Variants in PSD3 observed in about 807,000 individuals in gnomAD.
PSD3 encodes PH and SEC7 domain-containing protein 3.
A neutral mutation model predicts 105.5 loss-of-function variants in PSD3; 49 were observed. The observed-to-expected ratio is 0.46, with a 90% confidence interval of 0.37 to 0.59. The LOEUF is 0.59. PSD3 is among the 20% of genes least tolerant of loss of function. The pLI is 0.00. For synonymous variants in PSD3, 557 were observed against 457.8 expected (o/e 1.22, Z -2.77); for missense variants, 1,561 against 1,263.8 (o/e 1.24, Z -3.57).
intron 11 of PSD3, among the ~76,000 whole-genome samples, chr8:18,616,663 G>A (rs112684782): frequency 0.027 from 3,434 of 126,660 alleles, 88 homozygotes; most frequent in East Asian, 0.09. Flanking sequence ...TCGCTCTGTC[G>A]CCCAGGCTGG....
At chr8:18,884,202 G>T (rs1423722955) in intron 2 of PSD3, among the ~76,000 whole-genome samples, 1 of 146,206 alleles carries the variant, frequency 6.8e-6, no homozygotes, top group South Asian at 2.3e-4. Context: ...GCCTTGCAGA[G>T]TTAAAAAAAA....
At chr8:18,795,851 G>T (rs926386406) in intron 8 of PSD3, among the ~76,000 whole-genome samples, 3 of 152,098 alleles carry the variant, frequency 2.0e-5, no homozygotes, top group African/African-American at 7.2e-5. Flanking sequence ...TGAAGAAAAA[G>T]ACTTTCAACT....
At chr8:18,731,499 A>C (rs571951647) in intron 9 of PSD3, among the ~76,000 whole-genome samples, 1 of 152,320 alleles carries the variant, frequency 6.6e-6, no homozygotes, top group East Asian at 1.9e-4. Flanking sequence ...ACATGATCTC[A>C]GTAATTCTTT....
At chr8:18,777,065 C>T (rs536537419) in intron 8 of PSD3, among the ~76,000 whole-genome samples, 122 of 152,030 alleles carry the variant, frequency 8.0e-4, no homozygotes, top group Middle Eastern at 3.4e-3. Context: ...TTTTTTGAGA[C>T]GGAGTCTACC....
At chr8:18,625,090 C>G (rs1017917222) in intron 11 of PSD3, among the ~76,000 whole-genome samples, 2 of 151,940 alleles carry the variant, frequency 1.3e-5, no homozygotes, top group Non-Finnish European at 2.9e-5. Context: ...AAGTTACTGT[C>G]CCACATGTTC....
At chr8:18,542,242 A>T (rs1341524004) in intron 15 of PSD3, among the ~76,000 whole-genome samples, 1 of 152,226 alleles carries the variant, frequency 6.6e-6, no homozygotes. Flanking sequence ...AAAAGCATAC[A>T]TTAAAAAGAT....
chr8:19,080,689 A>G lies in PSD3; in HGVS notation c.324+3517T>C, dbSNP rs73589594. ...GAACAGTCTTACAAGCTAGTGATCA[A>G]AGCTCAAAAAGTGAATTGGTTTTGA... On this transcript the variant is annotated intron_variant, in intron 1 of 1. Transcript: ENST00000521475. 4.4e-3 allele frequency among the ~76,000 whole-genome samples: 668 copies of G among 152,308 alleles called. 3 individuals are homozygous for G. Among genetic ancestry groups the G allele is most frequent in the African/African-American group, 0.015 (604 of 41,562 alleles).
At chr8:18,843,177 G>A (rs1327944068) in intron 4 of PSD3, among the ~76,000 whole-genome samples, 1 of 151,958 alleles carries the variant, frequency 6.6e-6, no homozygotes, top group Non-Finnish European at 1.5e-5. Flanking sequence ...TGGCTACCAC[G>A]GTGAAACCCC....
chr8:18,572,482 T>G, intron 14 of PSD3, 46 bp downstream of exon 14: 2 of 1,587,842 alleles, frequency 1.3e-6, no homozygotes, highest in Non-Finnish European at 1.7e-6. Context: ...CACATTATTT[T>G]ACAAAGTACT....
chr8:18,604,648 C>A (rs1804680134), intron 11 of PSD3, among the ~76,000 whole-genome samples: 2 of 152,144 alleles, frequency 1.3e-5, no homozygotes, highest in African/African-American at 2.4e-5. Flanking sequence ...GGGGACACGG[C>A]CTTGAAGGTA....
rs1585727737 is a variant in PSD3 at position 18,721,790 on chromosome 8, C to G, written c.2172+43659G>C. On this transcript the variant is annotated intron_variant, in intron 9 of 15. Coordinates refer to ENST00000327040, the MANE Select transcript of PSD3 (RefSeq NM_015310.4). ...ATCACACTTCTTTACCCAATAAAAT[C>G]CAGCCAGTAAAGAATCATAGTAAGT... Among the ~76,000 whole-genome samples the G allele has an allele frequency of 1.3e-5, 2 of 152,110 alleles. 1 individual carries two copies. The highest frequency in any genetic ancestry group is 4.1e-4 in the South Asian group (2 of 4,820).
intron 2 of PSD3, among the ~76,000 whole-genome samples, chr8:18,920,340 ATAAAAT>A (rs1306109040): frequency 5.3e-5 from 8 of 152,226 alleles, no homozygotes. Flanking sequence ...CAAAGGGGAA[ATAAAAT>A]TAAAATGATT....
chr8:18,964,901 T>A (rs1274266816), intron 1 of PSD3, among the ~76,000 whole-genome samples: 1 of 152,248 alleles, frequency 6.6e-6, no homozygotes, highest in Non-Finnish European at 1.5e-5. Context: ...TTTTTGCTTT[T>A]ACAGCTCTAA....
In PSD3 at chr8:18,804,723, C is replaced by A; in HGVS notation, c.1810G>T (p.Ala604Ser). Residue 604 changes from alanine (A) to serine (S), a missense_variant, in exon 5 of 16, where the codon GCA becomes TCA. Ala to Ser is a moderately conservative substitution (Grantham distance 99). Coordinates refer to ENST00000327040, the MANE Select transcript of PSD3 (RefSeq NM_015310.4). Reference protein sequence around the residue: ...QLDRFKRSDVAKHLGKNNEFS... With the variant: ...QLDRFKRSDVSKHLGKNNEFS... ...ACGTACTTCTTGCCAAGGTGTTTTG[C>A]AACATCTGATCTTTTGAATCTGTCC... 1 of 1,613,848 alleles carries A rather than the reference C, an allele frequency of 6.2e-7. No homozygotes were observed. Among genetic ancestry groups the A allele is most frequent in the East Asian group, 2.2e-5 (1 of 44,876 alleles).
intron 1 of PSD3, among the ~76,000 whole-genome samples, chr8:19,080,109 A>AG (rs1016740527): frequency 3.3e-5 from 5 of 152,146 alleles, no homozygotes; most frequent in African/African-American, 1.2e-4. Flanking sequence ...GGCTGAACTC[A>AG]GACTCCTGAC....
At chr8:18,900,282 A>T (rs1819421891) in intron 2 of PSD3, among the ~76,000 whole-genome samples, 1 of 152,150 alleles carries the variant, frequency 6.6e-6, no homozygotes, top group South Asian at 2.1e-4. Context: ...TATAGGCATG[A>T]TTTTCTTATA....
chr8:18,655,697 G>A lies in PSD3; in HGVS notation c.2173-12C>T. 1 of 1,610,972 alleles carries A rather than the reference G, an allele frequency of 6.2e-7. No individual in the cohort carries two copies. Among genetic ancestry groups the A allele is most frequent in the East Asian group, 2.2e-5 (1 of 44,836 alleles). ...GAGTTGTACAGAGCCTGTAAAGAGA[G>A]AAAATGAGATCACATTATTCTTTCC... On this transcript the variant is annotated splice_polypyrimidine_tract_variant and intron_variant, in intron 9 of 15. Transcript: ENST00000327040.
At chr8:18,819,821 C>T (rs1812542064) in intron 4 of PSD3, among the ~76,000 whole-genome samples, 1 of 152,142 alleles carries the variant, frequency 6.6e-6, no homozygotes, top group South Asian at 2.1e-4. Context: ...TCGTGATCTG[C>T]CAGCCTCGGC....
intron 11 of PSD3, among the ~76,000 whole-genome samples, chr8:18,611,006 A>G (rs7009958): frequency 0.28 from 42,593 of 152,140 alleles, 6,333 homozygotes; most frequent in South Asian, 0.46. Context: ...CTGGGTACAT[A>G]AGATTATTAG....
Sources: allele counts gnomAD v4.1 joint callset (sites outside exome capture counted in the v4.1 genomes callset), GRCh38; gene constraint gnomAD v4.1.1; transcripts MANE v1.5; gene names NCBI Gene and HGNC (gene_info 2026-07-23, HGNC 2026-07-21).